Variants in DMD observed in about 807,000 individuals in gnomAD.
The protein encoded by DMD is mutant dystrophin.
A neutral mutation model predicts 330.1 loss-of-function variants in DMD; 63 were observed. The observed-to-expected ratio is 0.19, with a 90% CI of 0.16 to 0.24. The LOEUF (loss-of-function observed/expected upper bound fraction) is 0.24, where lower values mean the gene tolerates loss of function less well. DMD is among the 10% of genes least tolerant of loss of function. DMD has a pLI of 1.00. For missense variants in DMD, 3,344 were observed against 2,684.1 expected (o/e 1.25, Z -5.43); for synonymous variants, 1,223 against 959.8 (o/e 1.27, Z -5.07).
At position 31,708,664 on chromosome X, in the gene DMD, A is replaced by C. The variant is rs552043395; in HGVS notation, c.7660+20967T>G. 2.1e-4 allele frequency among the ~76,000 whole-genome samples: 24 copies of C among 112,036 alleles called. No homozygotes were observed. In the South Asian group the frequency reaches 8.8e-3, roughly 41 times the overall value. ...ATTTTAATATTCAGTGGTAAGTATA[A>C]ATCAATCTATAATAAACTTTCTCCA... On this transcript the variant is annotated intron_variant, in intron 52 of 78. Coordinates refer to ENST00000357033, the MANE Select transcript of DMD (RefSeq NM_004006.3).
At chrX:31,518,302 C>T (rs1306438794) in intron 55 of DMD, among the ~76,000 whole-genome samples, 1 of 111,349 alleles carries the variant, frequency 9.0e-6, no homozygotes, top group African/African-American at 3.3e-5. Context: ...GCTGAGTTTT[C>T]TTTTTTTAAT....
In DMD at chrX:31,863,553, CCTT is replaced by C. The variant is rs1022997950; in HGVS notation, c.7098+11632_7098+11634del. Among the ~76,000 whole-genome samples, 4 of 111,824 alleles carry C rather than the reference CCTT, an allele frequency of 3.6e-5. No homozygotes were observed. The Admixed American group carries it at 3.8e-4, about 11-fold the overall frequency. On this transcript the variant is annotated intron_variant, in intron 48 of 78. Transcript: ENST00000357033. ...AATTCAAAATATTAGCGACTGAAAT[CCTT>C]CTTTACTCAAGGTACCATCAAATAC...
chrX:31,119,356 C>T lies in DMD; in HGVS notation c.*2563G>A, dbSNP rs188558013. ...AAAACTGAAGTTTAAAAAAATAATT[C>T]GTAAATGTTACAGTGTTGGTGTTAA... On this transcript the variant is annotated 3_prime_UTR_variant, in exon 79 of 79. Coordinates refer to ENST00000357033, the MANE Select transcript of DMD (RefSeq NM_004006.3). 3.6e-5 allele frequency: 4 copies of T among 111,838 alleles called. No individual in the cohort carries two copies. In the East Asian group the frequency reaches 1.1e-3, roughly 31 times the overall value. 9.2% of individuals were successfully genotyped at this position (111,838 alleles called of 1,213,427 possible). A position where few individuals can be genotyped will look rare whatever the true frequency, so the allele number is the denominator to read the frequency against.
At chrX:32,069,406 A>C (rs1183298066) in intron 44 of DMD, among the ~76,000 whole-genome samples, 5 of 111,827 alleles carry the variant, frequency 4.5e-5, no homozygotes, top group African/African-American at 1.6e-4. Flanking sequence ...TATTTTTCTC[A>C]TATACATAAT....
intron 1 of DMD, among the ~76,000 whole-genome samples, chrX:33,280,740 G>T: frequency 9.0e-6 from 1 of 111,335 alleles, no homozygotes; most frequent in Admixed American, 9.5e-5. Flanking sequence ...AAATAAATTG[G>T]GCATATTTGT....
chrX:32,336,471 C>A (rs1382755190), intron 41 of DMD, among the ~76,000 whole-genome samples: 2 of 112,020 alleles, frequency 1.8e-5, no homozygotes, highest in African/African-American at 3.2e-5. Flanking sequence ...GACAAGCTAT[C>A]CATTGCAATA....
intron 1 of DMD, among the ~76,000 whole-genome samples, chrX:33,225,746 G>A (rs944017634): frequency 1.8e-5 from 2 of 110,914 alleles, no homozygotes; most frequent in African/African-American, 6.5e-5. Context: ...ATTTTGCTCT[G>A]AGAAAGATGC....
At chrX:32,929,668 C>A (rs779142872) in intron 2 of DMD, among the ~76,000 whole-genome samples, 26 of 110,929 alleles carry the variant, frequency 2.3e-4, no homozygotes, top group Non-Finnish European at 4.7e-4. Context: ...ACCCATCAAC[C>A]CGTCATCTAC....
intron 2 of DMD, among the ~76,000 whole-genome samples, chrX:32,949,302 T>C (rs1459399685): frequency 9.7e-6 from 1 of 102,994 alleles, no homozygotes; most frequent in Non-Finnish European, 2.0e-5. Flanking sequence ...GCACACATAA[T>C]ATATTAGATG....
At chrX:32,891,174 T>C (rs1364503631) in intron 2 of DMD, among the ~76,000 whole-genome samples, 1 of 112,193 alleles carries the variant, frequency 8.9e-6, no homozygotes, top group African/African-American at 3.2e-5. Context: ...AGTTCAAAAA[T>C]AGGGCAAAAA....
chrX:31,738,784 T>G, intron 51 of DMD, among the ~76,000 whole-genome samples: 1 of 112,176 alleles, frequency 8.9e-6, no homozygotes, highest in Non-Finnish European at 1.9e-5. Flanking sequence ...ACAACATTGT[T>G]GGAAATGGAG....
chrX:32,896,171 G>T lies in DMD; in HGVS notation c.94-46351C>A, dbSNP rs2085699452. 2.7e-5 allele frequency among the ~76,000 whole-genome samples: 3 copies of T among 111,355 alleles called. No homozygotes were observed. The Admixed American group carries it at 2.9e-4, about 11-fold the overall frequency. The stretch of plus-strand genomic sequence containing the variant: ...AATAAAGGGTTCAAAAATCTGTGGA[G>T]AACACCCTACTCCTTAGTACAACCC... On this transcript the variant is annotated intron_variant, in intron 2 of 78. Coordinates refer to ENST00000357033, the MANE Select transcript of DMD (RefSeq NM_004006.3).
At chrX:31,162,370 A>AAAAAAG (rs1340807971) in intron 74 of DMD, among the ~76,000 whole-genome samples, 1 of 101,690 alleles carries the variant, frequency 9.8e-6, no homozygotes, top group East Asian at 3.0e-4. Flanking sequence ...AAAAAAAAAA[A>AAAAAAG]AAAAAAAAGG....
chrX:31,851,386 A>G (rs932444521), intron 48 of DMD, among the ~76,000 whole-genome samples: 2 of 112,122 alleles, frequency 1.8e-5, no homozygotes, highest in Non-Finnish European at 3.8e-5. Context: ...AAGTGTTGTG[A>G]AACTGTGAAG....
intron 7 of DMD, among the ~76,000 whole-genome samples, chrX:32,712,844 C>T (rs2065318603): frequency 9.0e-6 from 1 of 111,235 alleles, no homozygotes; most frequent in African/African-American, 3.3e-5. Flanking sequence ...GGTTTTATAT[C>T]ACCTTAATAT....
At chrX:31,750,941 G>A (rs1305926814) in intron 51 of DMD, among the ~76,000 whole-genome samples, 5 of 107,558 alleles carry the variant, frequency 4.6e-5, no homozygotes, top group South Asian at 4.2e-4. Flanking sequence ...ACTTACAAGC[G>A]ATGTGAAGGA....
intron 53 of DMD, among the ~76,000 whole-genome samples, chrX:31,661,743 A>ATG (rs1483365481): frequency 9.1e-6 from 1 of 109,472 alleles, no homozygotes; most frequent in Non-Finnish European, 1.9e-5. Context: ...GTGTGTGTGT[A>ATG]TGTGTGTGTG....
chrX:31,493,375 T>G (rs927306503), intron 57 of DMD, among the ~76,000 whole-genome samples: 6 of 112,408 alleles, frequency 5.3e-5, no homozygotes, highest in African/African-American at 1.9e-4. Context: ...TAAAGAAAGA[T>G]CTGGTCAAAT....
At chrX:32,725,483 G>A (rs146952345) in intron 7 of DMD, among the ~76,000 whole-genome samples, 12,337 of 110,303 alleles carry the variant, frequency 0.11, 732 homozygotes, top group Middle Eastern at 0.22. Context: ...AAAACAGCAG[G>A]AGTGGCTGTA....
Sources: allele counts gnomAD v4.1 joint callset (sites outside exome capture counted in the v4.1 genomes callset), GRCh38; gene constraint gnomAD v4.1.1; transcripts MANE v1.5; gene names NCBI Gene and HGNC (gene_info 2026-07-23, HGNC 2026-07-21).